The following TECTA variants were observed in gnomAD, a reference collection of about 807,000 sequenced individuals.
TECTA encodes the protein tectorin alpha.
A neutral mutation model predicts 216.8 loss-of-function variants in TECTA; 128 were observed. The ratio of observed to expected loss-of-function variants is 0.59; its 90% CI spans 0.51 to 0.68. The LOEUF is 0.68. Among genes scored for constraint, TECTA ranks in the 30% least tolerant of loss-of-function variants. TECTA has a pLI of 0.00. For synonymous variants in TECTA, 1,089 were observed against 1,117.1 expected (o/e 0.97, Z 0.50); for missense variants, 2,551 against 2,786.2 (o/e 0.92, Z 1.90).
At chr11:121,108,563 C>T (rs1463508140) in intron 3 of TECTA, among the ~76,000 whole-genome samples, 5 of 116,796 alleles carry the variant, frequency 4.3e-5, no homozygotes, top group African/African-American at 1.1e-4. Flanking sequence ...ACCCCCAGTA[C>T]ACACACACAC....
chr11:121,145,081 G>A (rs1396301122), intron 11 of TECTA, among the ~76,000 whole-genome samples: 3 of 152,148 alleles, frequency 2.0e-5, no homozygotes, highest in Non-Finnish European at 4.4e-5. Flanking sequence ...GTTGATGGGT[G>A]GAGAGTGGCA....
intron 23 of TECTA, 164 bp downstream of exon 23, chr11:121,190,044 G>T: frequency 1.6e-6 from 1 of 643,030 alleles, no homozygotes; most frequent in Non-Finnish European, 2.8e-6. Flanking sequence ...GAATTCTAGG[G>T]CCATTAAACA....
At chr11:121,102,341 G>A (rs145019596) in intron 1 of TECTA, among the ~76,000 whole-genome samples, 300 of 152,262 alleles carry the variant, frequency 2.0e-3, no homozygotes, top group African/African-American at 6.7e-3. Context: ...AGTTTTCAGC[G>A]CTTTATTTGA....
chr11:121,160,346 T>C lies in TECTA; in HGVS notation c.4901T>C (p.Val1634Ala), dbSNP rs1367267771. 1.9e-6 allele frequency: 3 copies of C among 1,614,090 alleles called. No homozygotes were observed. Among genetic ancestry groups the C allele is most frequent in the Non-Finnish European group, 2.5e-6 (3 of 1,180,022 alleles). The change falls in exon 15 of 24, where the codon GTG becomes GCG. Residue 1634 changes from valine (V) to alanine (A), a missense_variant. Physicochemically the swap from Val to Ala is moderately conservative, Grantham distance 64 (BLOSUM62 0). Coordinates refer to ENST00000392793, the MANE Select transcript of TECTA (RefSeq NM_005422.4). ...AACGGGGACCTAACAGATGATTATG[T>C]GACCTTGCGAGGGAAGCCGGTGGTA... Reference protein sequence around the residue: ...NFNGDLTDDYVTLRGKPVVSS... With the variant: ...NFNGDLTDDYATLRGKPVVSS...
intron 10 of TECTA, among the ~76,000 whole-genome samples, chr11:121,134,827 C>T (rs1488179766): frequency 3.9e-5 from 6 of 152,190 alleles, no homozygotes; most frequent in African/African-American, 4.8e-5. Context: ...AGTTTGGTAG[C>T]GTCGTGTGTG....
At chr11:121,125,905 C>A in intron 8 of TECTA, 33 bp downstream of exon 8, 1 of 1,599,004 alleles carries the variant, frequency 6.3e-7, no homozygotes, top group Non-Finnish European at 8.5e-7. Context: ...TGACAGGTCT[C>A]TCTTGTGCAG....
In TECTA at chr11:121,168,170, G is replaced by A; in HGVS notation, c.5703G>A (p.Glu1901=). The A allele has an allele frequency of 6.2e-7, 1 of 1,614,228 alleles. No individual in the cohort carries two copies. Among genetic ancestry groups the A allele is most frequent in the Non-Finnish European group, 8.5e-7 (1 of 1,180,024 alleles). ...ATGTGGAATTTTCATGTGCTTATGA[G>A]CTGGATATCAAGATCTCCTTGGATT... ...TINVEFSCAY[E]LDIKISLDSV... is the part of the protein sequence containing the mutation. The change falls in exon 19 of 24, where the codon GAG becomes GAA. Residue 1901 remains glutamate, a synonymous_variant. Coordinates refer to ENST00000392793, the MANE Select transcript of TECTA (RefSeq NM_005422.4).
chr11:121,190,660 G>T, intron 23 of TECTA, 46 bp from the exon 24 acceptor site: 1 of 1,405,060 alleles, frequency 7.1e-7, no homozygotes, highest in South Asian at 1.2e-5. Context: ...TATCAAACAG[G>T]TATTTTTCCC....
intron 12 of TECTA, among the ~76,000 whole-genome samples, chr11:121,147,697 G>A (rs532402940): frequency 6.6e-6 from 1 of 152,262 alleles, no homozygotes; most frequent in East Asian, 1.9e-4. Context: ...TGCAGAATGG[G>A]GAAGCTGTTT....
At chr11:121,168,369 A>G (rs977758715) in intron 19 of TECTA, 152 bp downstream of exon 19, 1 of 1,061,744 alleles carries the variant, frequency 9.4e-7, no homozygotes, top group Non-Finnish European at 1.4e-6. Context: ...AACATTGTTC[A>G]ATAGAACTCT....
intron 11 of TECTA, among the ~76,000 whole-genome samples, chr11:121,143,647 G>A (rs149143135): frequency 6.6e-6 from 1 of 152,340 alleles, no homozygotes; most frequent in East Asian, 1.9e-4. Context: ...GCACTCAGTG[G>A]TGCCAAATCA....
intron 20 of TECTA, among the ~76,000 whole-genome samples, chr11:121,178,240 T>C (rs1366561936): frequency 6.6e-6 from 1 of 152,182 alleles, no homozygotes; most frequent in Admixed American, 6.5e-5. Context: ...GTACCTCAGA[T>C]GGAAATGCAG....
At chr11:121,145,520 A>C (rs114686849) in intron 11 of TECTA, 35 bp from the exon 12 acceptor site, 1 of 1,609,646 alleles carries the variant, frequency 6.2e-7, no homozygotes, top group Non-Finnish European at 8.5e-7. Flanking sequence ...TCTCTGGGCC[A>C]ACTGTGTTTC....
intron 7 of TECTA, among the ~76,000 whole-genome samples, chr11:121,124,195 G>A (rs961877012): frequency 5.3e-5 from 8 of 152,298 alleles, no homozygotes; most frequent in Middle Eastern, 3.4e-3. Flanking sequence ...GTTCCACGAG[G>A]CAGAGATTTC....
At chr11:121,172,665 T>C (rs1428592842) in intron 20 of TECTA, among the ~76,000 whole-genome samples, 1 of 151,290 alleles carries the variant, frequency 6.6e-6, no homozygotes, top group African/African-American at 2.4e-5. Flanking sequence ...GCATGTGTCT[T>C]TATAGCAGCA....
At chr11:121,102,337 C>T (rs996304241) in intron 1 of TECTA, among the ~76,000 whole-genome samples, 10 of 152,180 alleles carry the variant, frequency 6.6e-5, no homozygotes, top group African/African-American at 2.4e-4. Context: ...TCCTAGTTTT[C>T]AGCGCTTTAT....
chr11:121,165,450 C>T, intron 17 of TECTA, 67 bp downstream of exon 17: 1 of 1,289,916 alleles, frequency 7.8e-7, no homozygotes, highest in Non-Finnish European at 1.1e-6. Flanking sequence ...GGGGAACGAC[C>T]TTGATGCATC....
intron 20 of TECTA, among the ~76,000 whole-genome samples, chr11:121,183,240 C>T (rs1947248550): frequency 6.6e-6 from 1 of 152,090 alleles, no homozygotes; most frequent in Admixed American, 6.5e-5. Context: ...GGATGTTGGG[C>T]CCCAGGGCAA....
rs779114793 is a variant in TECTA at position 121,190,698 on chromosome 11, G to A, written c.6368-8G>A. 1.2e-6 allele frequency: 2 copies of A among 1,610,024 alleles called. No homozygotes were observed. Among genetic ancestry groups the A allele is most frequent in the Non-Finnish European group, 1.7e-6 (2 of 1,176,528 alleles). ...CATAGGGCTTACTGTGTTCCTCTCT[G>A]TTTACAGCCTCTAATTCTTCAATGG... On this transcript the variant is annotated splice_region_variant and splice_polypyrimidine_tract_variant and intron_variant, in intron 23 of 23. Coordinates refer to ENST00000392793, the MANE Select transcript of TECTA (RefSeq NM_005422.4).
Sources: gnomAD v4.1 joint callset for allele counts (sites outside exome capture counted in the v4.1 genomes callset) on GRCh38, gnomAD v4.1.1 for gene constraint, MANE v1.5 for transcripts, NCBI Gene and HGNC (gene_info 2026-07-23, HGNC 2026-07-21) for gene names.